The following SART1 variants were observed in gnomAD, a reference collection of about 807,000 sequenced individuals.
The protein encoded by SART1 is spliceosome associated factor 1, recruiter of U4/U6.U5 tri-snRNP.
Under a neutral mutation model 105.0 loss-of-function variants are expected in SART1, and 28 were observed. The ratio of observed to expected loss-of-function variants is 0.27; its 90% confidence interval spans 0.20 to 0.37. The LOEUF (loss-of-function observed/expected upper bound fraction) is 0.37, where lower values mean the gene tolerates loss of function less well. SART1 is among the 10% of genes least tolerant of loss of function. SART1 has a pLI of 1.00. For missense variants in SART1, 894 were observed against 1,106.5 expected (o/e 0.81, Z 2.72); for synonymous variants, 472 against 462.9 (o/e 1.02, Z -0.25).
Position 65,965,956 on chromosome 11 carries a change from G to C in SART1, c.808G>C (p.Glu270Gln). ...TGCCATTGATTCCTTCCGAGAAGGG[G>C]AGACAATGATTCTTACCCTCAAGGA... is the stretch of plus-strand genomic sequence containing the variant. Reference protein sequence around the residue: ...EHAIDSFREGETMILTLKDKG... With the variant: ...EHAIDSFREGQTMILTLKDKG... The change falls in exon 7 of 20, where the codon GAG (glutamate) becomes CAG (glutamine). Residue 270 changes from glutamate (E) to glutamine (Q), a missense_variant. Glu to Gln is a conservative substitution (Grantham distance 29). This residue lies in a region of SART1 where 712 missense variants were observed against 778.2 expected (regional missense o/e 0.91). Coordinates refer to ENST00000312397, the MANE Select transcript of SART1 (RefSeq NM_005146.5). 6.2e-7 allele frequency: 1 copy of C among 1,614,126 alleles called. No individual in the cohort carries two copies. Among genetic ancestry groups the C allele is most frequent in the South Asian group, 1.1e-5 (1 of 91,084 alleles).
rs557506309 is a variant in SART1, at chr11:65,977,172, C to G, written c.1945+71C>G. ...CTGCAGGTGCAGGCAGGGCCCCCTC[C>G]GGTCCCCTCTGCTGCCCCTTTCTCT... On this transcript the variant is annotated intron_variant, in intron 15 of 19. Transcript: ENST00000312397. The G allele has an allele frequency of 1.1e-4, 128 of 1,140,688 alleles. No homozygotes were observed. The East Asian group carries it at 2.4e-3, about 21-fold the overall frequency. 70.7% of individuals were successfully genotyped at this position (1,140,688 alleles called of 1,614,324 possible).
In SART1 at chr11:65,967,568, A is replaced by G. The variant is rs1167996885; in HGVS notation, c.1411A>G (p.Met471Val). Residue 471 changes from methionine (M) to valine (V), a missense_variant, in exon 11 of 20, where the codon ATG becomes GTG. Physicochemically the swap from Met to Val is conservative, Grantham distance 21. This residue lies in a region of SART1 where 712 missense variants were observed against 778.2 expected (regional missense o/e 0.91). Coordinates refer to ENST00000312397, the MANE Select transcript of SART1 (RefSeq NM_005146.5). ...GTCGGACGACACCCGAGTGGAGAAC[A>G]TGGACATCAGTGATGAGGGTGAGGG... is the stretch of plus-strand genomic sequence containing the variant. ...LPSDDTRVEN[M>V]DISDEEEGGA... 2 of 1,612,666 alleles carry G rather than the reference A, an allele frequency of 1.2e-6. No individual in the cohort carries two copies. Among genetic ancestry groups the G allele is most frequent in the Non-Finnish European group, 1.7e-6 (2 of 1,179,948 alleles).
Position 65,967,582 on chromosome 11 carries a change from T to C in SART1, c.1425T>C (p.Asp475=). ...GAGTGGAGAACATGGACATCAGTGA[T>C]GAGGGTGAGGGCCCGGCCAGGGGGT... The part of the protein sequence containing the change: ...DTRVENMDIS[D]EEEGGAPPPG... The change falls in exon 11 of 20, where the codon GAT becomes GAC. Residue 475 remains aspartate (D), a synonymous_variant. Coordinates refer to ENST00000312397, the MANE Select transcript of SART1 (RefSeq NM_005146.5). 1.9e-6 allele frequency: 3 copies of C among 1,611,872 alleles called. No individual in the cohort carries two copies. The highest frequency in any genetic ancestry group is 2.5e-6 in the Non-Finnish European group (3 of 1,179,742).
At chr11:65,975,585 T>C (rs2134920674) in intron 12 of SART1, among the ~76,000 whole-genome samples, 1 of 151,838 alleles carries the variant, frequency 6.6e-6, no homozygotes, top group South Asian at 2.1e-4. Flanking sequence ...TTTATGTTTT[T>C]TGTAGAGATG....
In SART1 at chr11:65,978,721, T is replaced by G; in HGVS notation, c.2262+32T>G. Reference sequence around the variant, plus strand: ...GCCCTTGGGGATGTGGGGGGCCCTGTGCCTGCCGGGGCAGGGGTGGCTGGT... The same window carrying G: ...GCCCTTGGGGATGTGGGGGGCCCTGGGCCTGCCGGGGCAGGGGTGGCTGGT... On this transcript the variant is annotated intron_variant, in intron 18 of 19. Transcript: ENST00000312397. The surrounding 1 kb of genome is among the most constrained non-coding windows in gnomAD (Gnocchi z 6.8). 1 of 1,613,532 alleles carries G rather than the reference T, an allele frequency of 6.2e-7. No homozygotes were observed. The highest frequency in any genetic ancestry group is 8.5e-7 in the Non-Finnish European group (1 of 1,179,664).
At position 65,979,243 on chromosome 11, in the gene SART1, C is replaced by T; in HGVS notation, c.*213C>T. The stretch of plus-strand genomic sequence containing the variant: ...AGCGAGCCCGGGTCCTCTAAGGCTC[C>T]TTCCTTCTCCCCTGGCTGTCGGTCA... On this transcript the variant is annotated 3_prime_UTR_variant, in exon 20 of 20. Transcript: ENST00000312397. 2 of 632,522 alleles carry T rather than the reference C, an allele frequency of 3.2e-6. No individual in the cohort carries two copies. Among genetic ancestry groups the T allele is most frequent in the Non-Finnish European group, 5.6e-6 (2 of 359,734 alleles). 39.2% of individuals were successfully genotyped at this position (632,522 alleles called of 1,614,324 possible). A position where few individuals can be genotyped will look rare whatever the true frequency, so the allele number is the denominator to read the frequency against.
intron 12 of SART1, among the ~76,000 whole-genome samples, chr11:65,974,791 T>C (rs1855450026): frequency 6.6e-6 from 1 of 152,118 alleles, no homozygotes; most frequent in Admixed American, 6.6e-5. Context: ...ACCCCAACAC[T>C]TTGGGAGGCC....
At position 65,977,784 on chromosome 11, in the gene SART1, G is replaced by T. The variant is rs754154608; in HGVS notation, c.2057G>T (p.Ser686Ile). 2.5e-6 allele frequency: 4 copies of T among 1,614,072 alleles called. No individual in the cohort carries two copies. The highest frequency in any genetic ancestry group is 2.5e-6 in the Non-Finnish European group (3 of 1,180,014). The change falls in exon 17 of 20, where the codon AGC becomes ATC. Residue 686 changes from serine (S) to isoleucine (I), a missense_variant. Physicochemically the swap from Ser to Ile is moderately radical, Grantham distance 142. Around this residue, in one of 2 missense-constraint regions of SART1, gnomAD observed 182 missense variants for 328.3 expected, o/e 0.55. Coordinates refer to ENST00000312397, the MANE Select transcript of SART1 (RefSeq NM_005146.5). ...GCCAGGGCCATCGATGACAAGTACA[G>T]CCGGAGGGAGGAATACCGAGGCTTC... ...EDKMAIDDKYSRREEYRGFTQ... is the reference protein window; with the variant it reads ...EDKMAIDDKYIRREEYRGFTQ...
chr11:65,962,112 C>A lies in SART1; in HGVS notation c.313+19C>A. On this transcript the variant is annotated intron_variant, in intron 1 of 19. Transcript: ENST00000312397. ...GAGGCCGGTGAGGAGGCGGGGCCTG[C>A]GCAGGGGGCGGGTCGGGCGGGGGTC... The A allele has an allele frequency of 6.6e-6, 1 of 151,898 alleles. No homozygotes were observed. Among genetic ancestry groups the A allele is most frequent in the Non-Finnish European group, 1.1e-5 (1 of 88,904 alleles). The allele number at this position is 151,898 out of a possible 1,614,324, so 9.4% of individuals were successfully genotyped here.
intron 12 of SART1, among the ~76,000 whole-genome samples, chr11:65,975,292 T>C (rs1014356171): frequency 1.3e-5 from 2 of 151,890 alleles, no homozygotes; most frequent in South Asian, 2.1e-4. Context: ...TTGTAGAGAC[T>C]GTGCTTCACC....
chr11:65,971,439 ATGG>A (rs1855375483), intron 12 of SART1, among the ~76,000 whole-genome samples: 1 of 28,314 alleles, frequency 3.5e-5, no homozygotes, highest in African/African-American at 1.5e-4. Context: ...GAGGAGGGGG[ATGG>A]TGGGATTCAT....
In SART1 at chr11:65,966,003, G is replaced by GC; in HGVS notation, c.838+20dup. 1 of 1,614,044 alleles carries GC rather than the reference G, an allele frequency of 6.2e-7. No homozygotes were observed. On this transcript the variant is annotated intron_variant, in intron 7 of 19. Transcript: ENST00000312397. ...AGGACAAAGGTAATGCGAGCTGGGT[G>GC]CCCTGGGTGGGGGCACAGCCTCTGC...
chr11:65,965,285 G>A lies in SART1; in HGVS notation c.555-57G>A, dbSNP rs1855225404. The A allele has an allele frequency of 3.1e-6, 5 of 1,604,514 alleles. No individual in the cohort carries two copies. In the Admixed American group the frequency reaches 8.6e-5, roughly 28 times the overall value. On this transcript the variant is annotated intron_variant, in intron 4 of 19. Coordinates refer to ENST00000312397, the MANE Select transcript of SART1 (RefSeq NM_005146.5). ...AGGCCACCATCCTTGGCTGCCTCTT[G>A]AGTGGGGTGGGGAGCAGGAGCTGGG...
At chr11:65,970,394 C>T (rs989233904) in intron 12 of SART1, among the ~76,000 whole-genome samples, 1 of 152,202 alleles carries the variant, frequency 6.6e-6, no homozygotes, top group African/African-American at 2.4e-5. Context: ...CGCAAAGGAG[C>T]CTTTTCTGAC....
intron 12 of SART1, among the ~76,000 whole-genome samples, chr11:65,973,704 CA>C (rs1855428008): frequency 6.6e-6 from 1 of 152,032 alleles, no homozygotes; most frequent in Non-Finnish European, 1.5e-5. Flanking sequence ...GTACTTGGGA[CA>C]AAAAAAGTCC....
At chr11:65,972,608 G>GT (rs1259722501) in intron 12 of SART1, among the ~76,000 whole-genome samples, 2 of 151,922 alleles carry the variant, frequency 1.3e-5, no homozygotes, top group Non-Finnish European at 2.9e-5. Flanking sequence ...CTCTAAAAAT[G>GT]TTTTTTTAAT....
intron 12 of SART1, among the ~76,000 whole-genome samples, chr11:65,973,614 C>G (rs540990552): frequency 6.6e-6 from 1 of 152,218 alleles, no homozygotes; most frequent in East Asian, 1.9e-4. Flanking sequence ...GGAATGTGTG[C>G]GTGCCCGGGG....
At position 65,961,746 on chromosome 11, in the gene SART1, T is replaced by C; in HGVS notation, c.-35T>C. On this transcript the variant is annotated 5_prime_UTR_variant, in exon 1 of 20. Transcript: ENST00000312397. ...TATTCCCATTTTGCGTTGTCTGGGCTCGGCGGCAGCCGGGCTCGGAGTGGA... is the reference window on the plus strand; with the variant it reads ...TATTCCCATTTTGCGTTGTCTGGGCCCGGCGGCAGCCGGGCTCGGAGTGGA... 6.8e-7 allele frequency: 1 copy of C among 1,465,344 alleles called. No homozygotes were observed. The highest frequency in any genetic ancestry group is 9.0e-7 in the Non-Finnish European group (1 of 1,113,588). The allele number at this position is 1,465,344 out of a possible 1,614,324, so 90.8% of individuals were successfully genotyped here. A position where few individuals can be genotyped will look rare whatever the true frequency, so the allele number is the denominator to read the frequency against.
In SART1 at chr11:65,978,813, C is replaced by T; in HGVS notation, c.2283C>T (p.Ser761=). 6.2e-7 allele frequency: 1 copy of T among 1,614,042 alleles called. No individual in the cohort carries two copies. The part of the protein sequence containing the change: ...DEEALLKKMS[S]SDTPLGTVAL... ...CTCAGCTCCTGAAGAAGATGAGCTC[C>T]AGCGACACGCCCCTGGGCACCGTGG... Residue 761 remains serine, a synonymous_variant, in exon 19 of 20, where the codon TCC becomes TCT. Coordinates refer to ENST00000312397, the MANE Select transcript of SART1 (RefSeq NM_005146.5). This position sits in a 1 kb window ranked among gnomAD's most constrained non-coding sequence, Gnocchi z 6.8.
Sources: gnomAD v4.1 joint callset for allele counts (sites outside exome capture counted in the v4.1 genomes callset) on GRCh38, gnomAD v4.1.1 for gene constraint, gnomAD v4.1.1 regional missense constraint, Gnocchi (gnomAD v3.1) non-coding constraint, MANE v1.5 for transcripts, NCBI Gene and HGNC (gene_info 2026-07-23, HGNC 2026-07-21) for gene names.